Variants in GRIA4 observed in about 807,000 individuals in gnomAD.
GRIA4 encodes the protein glutamate receptor 4.
In GRIA4, 34 loss-of-function variants were observed where a neutral mutation model predicts 104.0. That is an observed-to-expected ratio of 0.33 (90% CI 0.25 to 0.44). GRIA4 has a LOEUF of 0.44. Among genes scored for constraint, GRIA4 ranks in the 20% least tolerant of loss-of-function variants. The pLI, the probability that GRIA4 is intolerant of heterozygous loss-of-function variation, is 1.00. For missense variants in GRIA4, 750 were observed against 1,096.5 expected (o/e 0.68, Z 4.46); for synonymous variants, 386 against 381.9 (o/e 1.01, Z -0.13).
intron 4 of GRIA4, among the ~76,000 whole-genome samples, chr11:105,803,917 G>T (rs1942834589): frequency 6.7e-6 from 1 of 148,552 alleles, no homozygotes; most frequent in Admixed American, 6.7e-5. Flanking sequence ...GGTTACAGTT[G>T]AGACTAGCTC....
rs774837627 is a variant in GRIA4, at chr11:105,611,071, G to A, written c.74G>A (p.Ser25Asn). Residue 25 changes from serine (S) to asparagine (N), a missense_variant, in exon 2 of 17, where the codon AGC (serine) becomes AAC (asparagine). By Grantham distance (46) the Ser-to-Asn change is conservative. Transcript: ENST00000282499. ...FWGLAMGAFP[S>N]SVQIGGLFIR... ...GGACTCGCCATGGGAGCCTTTCCGAGCAGCGTGCAAATAGGTAAGGTGTGC... is the reference window on the plus strand; with the variant it reads ...GGACTCGCCATGGGAGCCTTTCCGAACAGCGTGCAAATAGGTAAGGTGTGC... 3 of 1,612,764 alleles carry A rather than the reference G, an allele frequency of 1.9e-6. No individual in the cohort carries two copies. In the South Asian group the frequency reaches 3.3e-5, roughly 18 times the overall value.
At chr11:105,689,955 T>A (rs1009036119) in intron 3 of GRIA4, among the ~76,000 whole-genome samples, 1 of 152,172 alleles carries the variant, frequency 6.6e-6, no homozygotes, top group African/African-American at 2.4e-5. Context: ...ACCATCAAGT[T>A]CCTGCTGGCA....
chr11:105,884,861 T>TTTTTACTTG (rs1946197799), intron 5 of GRIA4, among the ~76,000 whole-genome samples: 1 of 152,228 alleles, frequency 6.6e-6, no homozygotes, highest in Non-Finnish European at 1.5e-5. Flanking sequence ...CCACATCTTT[T>TTTTTACTTG]TAACATTTAC....
chr11:105,936,189 A>G (rs1329493857), intron 14 of GRIA4, among the ~76,000 whole-genome samples: 2 of 152,172 alleles, frequency 1.3e-5, no homozygotes, highest in Non-Finnish European at 2.9e-5. Flanking sequence ...TTCTTATCCA[A>G]CTAGGATTCT....
At chr11:105,975,225 A>T (rs535816390) in intron 16 of GRIA4, among the ~76,000 whole-genome samples, 7 of 152,200 alleles carry the variant, frequency 4.6e-5, no homozygotes, top group Middle Eastern at 3.2e-3. Flanking sequence ...TTTTATGCTC[A>T]AAGTATCACT....
intron 3 of GRIA4, among the ~76,000 whole-genome samples, chr11:105,645,536 A>T (rs1396025665): frequency 6.6e-6 from 1 of 152,236 alleles, no homozygotes; most frequent in Non-Finnish European, 1.5e-5. Context: ...GGCAATTAAT[A>T]GGAATGGGTG....
intron 4 of GRIA4, among the ~76,000 whole-genome samples, chr11:105,788,707 A>T (rs911692008): frequency 3.9e-5 from 6 of 152,172 alleles, no homozygotes; most frequent in African/African-American, 1.2e-4. Flanking sequence ...ACACATGAAC[A>T]TAAAGATGGA....
At chr11:105,847,358 AC>A (rs1225774266) in intron 4 of GRIA4, among the ~76,000 whole-genome samples, 2 of 152,154 alleles carry the variant, frequency 1.3e-5, no homozygotes, top group Non-Finnish European at 2.9e-5. Flanking sequence ...CAAGTTGCTA[AC>A]AGGCCAGGGA....
rs1383686417 is a variant in GRIA4, at chr11:105,954,946, TTATATATATAATGC to T, written c.2295-16954_2295-16941del. Among the ~76,000 whole-genome samples, 19 of 148,474 alleles carry T rather than the reference TTATATATATAATGC, an allele frequency of 1.3e-4. 1 individual carries two copies. Among genetic ancestry groups the T allele is most frequent in the African/African-American group, 3.2e-4 (13 of 40,880 alleles). On this transcript the variant is annotated intron_variant, in intron 14 of 16. Transcript: ENST00000282499. ...TATATATATAATGCCATATAAAATGTTATATATATAATGCTATATATATAATGTTACATATATAT... is the reference window on the plus strand; with the variant it reads ...TATATATATAATGCCATATAAAATGTTATATATATAATGTTACATATATAT...
intron 3 of GRIA4, among the ~76,000 whole-genome samples, chr11:105,727,725 C>T (rs112817370): frequency 0.027 from 4,050 of 152,242 alleles, 144 homozygotes; most frequent in African/African-American, 0.079. Context: ...CAATATTCAA[C>T]ATTCCTAAAG....
At chr11:105,721,730 G>T (rs547639971) in intron 3 of GRIA4, among the ~76,000 whole-genome samples, 1 of 152,042 alleles carries the variant, frequency 6.6e-6, no homozygotes, top group Non-Finnish European at 1.5e-5. Context: ...TCCCTTCTGC[G>T]TGGAACATTC....
chr11:105,661,489 A>C (rs1952008297), intron 3 of GRIA4, among the ~76,000 whole-genome samples: 1 of 151,714 alleles, frequency 6.6e-6, no homozygotes, highest in Admixed American at 6.6e-5. Context: ...TGAGATAAGT[A>C]GAAAAATGTG....
chr11:105,675,315 C>T (rs549258963), intron 3 of GRIA4, among the ~76,000 whole-genome samples: 3 of 151,690 alleles, frequency 2.0e-5, no homozygotes, highest in Admixed American at 6.6e-5. Context: ...TAATTTGGAA[C>T]TGAAATCTTC....
chr11:105,928,272 C>A (rs1409891306), intron 13 of GRIA4, among the ~76,000 whole-genome samples: 5 of 151,874 alleles, frequency 3.3e-5, no homozygotes, highest in South Asian at 2.1e-4. Context: ...AGACAATGAA[C>A]AATGTACTTG....
chr11:105,753,228 C>A lies in GRIA4; in HGVS notation c.487+8C>A. The A allele has an allele frequency of 6.2e-7, 1 of 1,612,594 alleles. No individual in the cohort carries two copies. On this transcript the variant is annotated splice_region_variant and intron_variant, in intron 4 of 16. Coordinates refer to ENST00000282499, the MANE Select transcript of GRIA4 (RefSeq NM_000829.4). ...TGTATGACACAGACAGGGGTAAGTC[C>A]AGTTTCTTCATCTATTAGAGCAAAA...
intron 14 of GRIA4, among the ~76,000 whole-genome samples, chr11:105,943,397 C>T (rs1016627750): frequency 6.6e-6 from 1 of 152,074 alleles, no homozygotes; most frequent in African/African-American, 2.4e-5. Flanking sequence ...AAGTGAAGCA[C>T]AGGCCTATAA....
At chr11:105,804,490 G>GA (rs1565249417) in intron 4 of GRIA4, among the ~76,000 whole-genome samples, 1 of 151,664 alleles carries the variant, frequency 6.6e-6, no homozygotes, top group East Asian at 1.9e-4. Flanking sequence ...GCATTGTATT[G>GA]AAAAAGAGAT....
At chr11:105,613,036 G>T (rs1477147363) in intron 3 of GRIA4, 1 of 152,248 alleles carries the variant, frequency 6.6e-6, no homozygotes, top group East Asian at 1.9e-4. Context: ...ATCACATAAT[G>T]CATATATCCT....
At chr11:105,759,484 T>A (rs1940496479) in intron 4 of GRIA4, among the ~76,000 whole-genome samples, 1 of 152,164 alleles carries the variant, frequency 6.6e-6, no homozygotes, top group Non-Finnish European at 1.5e-5. Context: ...ACAAACTACA[T>A]ATGTCACATT....
Sources: allele counts gnomAD v4.1 joint callset (sites outside exome capture counted in the v4.1 genomes callset), GRCh38; gene constraint gnomAD v4.1.1; transcripts MANE v1.5; gene names NCBI Gene and HGNC (gene_info 2026-07-23, HGNC 2026-07-21).